Variants in SOHLH2 observed in about 807,000 individuals in gnomAD.
SOHLH2 encodes spermatogenesis- and oogenesis-specific basic helix-loop-helix-containing protein 2.
Under a neutral mutation model 50.4 loss-of-function variants are expected in SOHLH2, and 22 were observed. The observed-to-expected ratio is 0.44, with a 90% confidence interval of 0.31 to 0.62. The LOEUF (loss-of-function observed/expected upper bound fraction) is 0.62. Ranked by LOEUF, SOHLH2 falls within the 20% of genes least tolerant of loss-of-function variation. The pLI is 0.08. For synonymous variants in SOHLH2, 185 were observed against 187.3 expected (o/e 0.99, Z 0.10); for missense variants, 412 against 504.4 (o/e 0.82, Z 1.76).
intron 6 of SOHLH2, among the ~76,000 whole-genome samples, chr13:36,185,417 A>G (rs1421790093): frequency 2.0e-5 from 3 of 152,098 alleles, no homozygotes; most frequent in African/African-American, 4.8e-5. Flanking sequence ...CAGCGAGCCA[A>G]GATTATACCA....
At position 36,206,909 on chromosome 13, in the gene SOHLH2, A is replaced by G. The variant is rs185841119; in HGVS notation, c.49-4816T>C. On this transcript the variant is annotated intron_variant, in intron 1 of 10. Transcript: ENST00000379881. ...TTAACAACATATGTAATCTATGTTT[A>G]CATAGTATGTTATTAGTGTATATAT... Among the ~76,000 whole-genome samples, 5 of 151,690 alleles carry G rather than the reference A, an allele frequency of 3.3e-5. No homozygotes were observed. In the East Asian group the frequency reaches 9.7e-4, roughly 29 times the overall value.
chr13:36,189,740 A>G (rs1161387233), intron 6 of SOHLH2, among the ~76,000 whole-genome samples: 2 of 152,210 alleles, frequency 1.3e-5, no homozygotes, highest in Non-Finnish European at 2.9e-5. Context: ...TTTTTATATC[A>G]GTTCTCCAAT....
intron 1 of SOHLH2, among the ~76,000 whole-genome samples, chr13:36,203,240 C>T (rs1187033808): frequency 6.6e-6 from 1 of 152,102 alleles, no homozygotes; most frequent in African/African-American, 2.4e-5. Flanking sequence ...CATAAATGGG[C>T]TGTTAGTATT....
chr13:36,201,286 T>C (rs1035006225), intron 2 of SOHLH2, among the ~76,000 whole-genome samples: 1 of 152,118 alleles, frequency 6.6e-6, no homozygotes, highest in Non-Finnish European at 1.5e-5. Flanking sequence ...ATTTTAATGA[T>C]ACAGTTATTA....
chr13:36,202,828 G>A (rs1868506348), intron 1 of SOHLH2, among the ~76,000 whole-genome samples: 1 of 152,194 alleles, frequency 6.6e-6, no homozygotes, highest in South Asian at 2.1e-4. Context: ...AGATTTGGGA[G>A]GTGATTAGAG....
At position 36,188,133 on chromosome 13, in the gene SOHLH2, C is replaced by T. The variant is rs1173956165; in HGVS notation, c.641+1813G>A. On this transcript the variant is annotated intron_variant, in intron 6 of 10. Transcript: ENST00000379881. ...ACCCATGCTGGCAAAAGTCCAGATA[C>T]GCAATGTCTTGGACCCTCCTGACTG... 5.9e-5 allele frequency among the ~76,000 whole-genome samples: 9 copies of T among 152,296 alleles called. No homozygotes were observed. In the South Asian group the frequency reaches 1.0e-3, roughly 18 times the overall value.
chr13:36,193,697 A>T lies in SOHLH2; in HGVS notation c.354T>A (p.Ile118=), dbSNP rs762024029. The change falls in exon 4 of 11, where the codon ATT becomes ATA. Residue 118 remains isoleucine (I), a synonymous_variant. Transcript: ENST00000379881. ...KGCISGHGMD[I]ALTEPLTMEK... ...CCATTGTCAGTGGTTCAGTTAAAGC[A>T]ATATCCATTCCATGCCCTGAAATAC... is the stretch of plus-strand genomic sequence containing the variant. 1 of 1,613,110 alleles carries T rather than the reference A, an allele frequency of 6.2e-7. No individual in the cohort carries two copies. The highest frequency in any genetic ancestry group is 1.7e-5 in the Admixed American group (1 of 59,820).
At chr13:36,195,474 T>A (rs1172549848) in intron 2 of SOHLH2, among the ~76,000 whole-genome samples, 6 of 152,120 alleles carry the variant, frequency 3.9e-5, no homozygotes, top group Non-Finnish European at 7.3e-5. Context: ...TGGGCTCTGC[T>A]CACAGAAGGC....
chr13:36,185,180 G>A (rs761431008), intron 6 of SOHLH2, among the ~76,000 whole-genome samples: 1 of 151,988 alleles, frequency 6.6e-6, no homozygotes, highest in African/African-American at 2.4e-5. Context: ...AAAAAGCAAA[G>A]TATAGAGGCC....
intron 6 of SOHLH2, chr13:36,183,144 G>A (rs755356250): frequency 2.7e-6 from 1 of 372,106 alleles, no homozygotes; most frequent in South Asian, 2.0e-5. Flanking sequence ...TGCCATGATT[G>A]TAAGCTTCCT....
intron 6 of SOHLH2, among the ~76,000 whole-genome samples, chr13:36,180,167 T>C (rs144508663): frequency 6.6e-6 from 1 of 152,242 alleles, no homozygotes; most frequent in Admixed American, 6.5e-5. Flanking sequence ...TTGTAGAATC[T>C]ACTGGCATAA....
In SOHLH2 at chr13:36,191,842, C is replaced by A. The variant is rs778891404; in HGVS notation, c.483G>T (p.Arg161Ser). The change falls in exon 5 of 11, where the codon AGG becomes AGT. Residue 161 changes from arginine (R) to serine (S), a missense_variant. Arg to Ser is a moderately radical substitution (Grantham distance 110). Coordinates refer to ENST00000379881, the MANE Select transcript of SOHLH2 (RefSeq NM_017826.3). ...AATATCCCAGGTGTTCGCTGTAGGA[C>A]CTCTGCAGGGGCAATCCAAGTTCTT... ...GPEELGLPLQ[R>S]SYSEHLGYFP... 4.3e-6 allele frequency: 7 copies of A among 1,613,990 alleles called. No individual in the cohort carries two copies. The highest frequency in any genetic ancestry group is 5.1e-6 in the Non-Finnish European group (6 of 1,179,908).
intron 2 of SOHLH2, among the ~76,000 whole-genome samples, chr13:36,200,325 A>G (rs1887859203): frequency 6.6e-6 from 1 of 152,210 alleles, no homozygotes; most frequent in Non-Finnish European, 1.5e-5. Context: ...ACTTTGAGGT[A>G]GATAGTTTGC....
chr13:36,184,830 C>T (rs1197500212), intron 6 of SOHLH2, among the ~76,000 whole-genome samples: 2 of 152,106 alleles, frequency 1.3e-5, no homozygotes, highest in Non-Finnish European at 2.9e-5. Flanking sequence ...CATACATGTG[C>T]CATGGTGGTT....
chr13:36,176,932 C>A (rs975250515), intron 6 of SOHLH2, among the ~76,000 whole-genome samples: 7 of 151,920 alleles, frequency 4.6e-5, no homozygotes, highest in African/African-American at 1.7e-4. Flanking sequence ...AACAAAAATG[C>A]ACAATGAGTC....
At position 36,174,340 on chromosome 13, in the gene SOHLH2, C is replaced by T. The variant is rs1341992095; in HGVS notation, c.881+136G>A. The T allele has an allele frequency of 3.8e-6, 4 of 1,061,896 alleles. No individual in the cohort carries two copies. The East Asian group carries it at 9.9e-5, about 26-fold the overall frequency. 65.8% of individuals were successfully genotyped at this position (1,061,896 alleles called of 1,614,324 possible). On this transcript the variant is annotated intron_variant, in intron 8 of 10. Coordinates refer to ENST00000379881, the MANE Select transcript of SOHLH2 (RefSeq NM_017826.3). ...ACTGCAACGAAATGATACACATCGG[C>T]AATTAGAAAAGTTCGCTGACCCTTA... is the stretch of plus-strand genomic sequence containing the variant.
At chr13:36,211,992 A>G (rs545748768) in intron 1 of SOHLH2, among the ~76,000 whole-genome samples, 215 of 152,304 alleles carry the variant, frequency 1.4e-3, no homozygotes, top group Non-Finnish European at 2.5e-3. Flanking sequence ...CCTAGCTAGC[A>G]CATGGCATTC....
At chr13:36,183,135 G>T (rs1280045124) in intron 6 of SOHLH2, 2 of 357,144 alleles carry the variant, frequency 5.6e-6, no homozygotes, top group Non-Finnish European at 1.2e-5. Flanking sequence ...TTTGCCTCCT[G>T]CCATGATTGT....
chr13:36,201,509 G>C (rs1298901350), intron 2 of SOHLH2, among the ~76,000 whole-genome samples: 2 of 149,642 alleles, frequency 1.3e-5, no homozygotes, highest in Admixed American at 1.3e-4. Flanking sequence ...ATCTCACTCT[G>C]TCGTCCAGGT....
Sources: gnomAD v4.1 joint callset for allele counts (sites outside exome capture counted in the v4.1 genomes callset) on GRCh38, gnomAD v4.1.1 for gene constraint, MANE v1.5 for transcripts, NCBI Gene and HGNC (gene_info 2026-07-23, HGNC 2026-07-21) for gene names.